The following ACVR2A variants were observed in gnomAD, a reference collection of about 807,000 sequenced individuals.
ACVR2A encodes activin A receptor type 2A.
Under a neutral mutation model 61.4 loss-of-function variants are expected in ACVR2A, and 7 were observed. The observed-to-expected ratio is 0.11, with a 90% CI of 0.06 to 0.21. The LOEUF (loss-of-function observed/expected upper bound fraction) is 0.21. Among genes scored for constraint, ACVR2A ranks in the 10% least tolerant of loss-of-function variants. The pLI is 1.00. For missense variants in ACVR2A, 322 were observed against 621.7 expected, an observed-to-expected ratio of 0.52 and a Z score of 5.13; for synonymous variants, 193 against 208.3, an observed-to-expected ratio of 0.93 and a Z score of 0.63.
At chr2:147,922,524 A>G (rs894726434) in intron 8 of ACVR2A, among the ~76,000 whole-genome samples, 1 of 152,198 alleles carries the variant, frequency 6.6e-6, no homozygotes, top group Non-Finnish European at 1.5e-5. Flanking sequence ...GAATTTATGA[A>G]TAAACAAATA....
chr2:147,900,034 T>G (rs2105194803), intron 4 of ACVR2A, 136 bp downstream of exon 4: 1 of 1,000,014 alleles, frequency 1.0e-6, no homozygotes, highest in East Asian at 2.6e-5. Context: ...TCATGAGAAC[T>G]CTAGCTAACT....
At chr2:147,862,098 C>G (rs1486381717) in intron 1 of ACVR2A, among the ~76,000 whole-genome samples, 1 of 152,144 alleles carries the variant, frequency 6.6e-6, no homozygotes, top group African/African-American at 2.4e-5. Flanking sequence ...AAAATGCTTT[C>G]TGGCTTTTAG....
chr2:147,845,000 GTTTTTTTTT>G (rs368783685), upstream of ACVR2A: 2 of 109,426 alleles, frequency 1.8e-5, no homozygotes, highest in Non-Finnish European at 1.5e-5. Context: ...CCCAGTGAGC[GTTTTTTTTT>G]TTTTTTTTTT....
intron 2 of ACVR2A, among the ~76,000 whole-genome samples, chr2:147,899,139 C>T (rs1364953349): frequency 2.0e-5 from 3 of 152,004 alleles, no homozygotes; most frequent in Non-Finnish European, 4.4e-5. Context: ...ACTTTATGTC[C>T]TCTTCAAGCT....
chr2:147,863,914 A>C (rs1685789882), intron 1 of ACVR2A, among the ~76,000 whole-genome samples: 2 of 152,200 alleles, frequency 1.3e-5, no homozygotes, highest in Non-Finnish European at 2.9e-5. Context: ...GTTCAAAGTA[A>C]ATGCATCTTC....
chr2:147,910,383 A>C (rs998030233), intron 4 of ACVR2A, among the ~76,000 whole-genome samples: 1 of 152,172 alleles, frequency 6.6e-6, no homozygotes, highest in African/African-American at 2.4e-5. Context: ...ACCATAGTCT[A>C]CTTATTCAGT....
At chr2:147,872,860 A>G (rs904815138) in intron 1 of ACVR2A, among the ~76,000 whole-genome samples, 1 of 151,858 alleles carries the variant, frequency 6.6e-6, no homozygotes, top group Admixed American at 6.6e-5. Context: ...GAGAGAAAGC[A>G]GTAAGAAAAG....
chr2:147,929,962 C>T lies in ACVR2A; in HGVS notation c.*2688C>T, dbSNP rs1300084547. On this transcript the variant is annotated 3_prime_UTR_variant, in exon 11 of 11. Transcript: ENST00000241416. The stretch of plus-strand genomic sequence containing the variant: ...ACTTGCCATAGGACTGATGGATTAA[C>T]CAGTGTTCGGCTTTATTTGAAGTCT... 1 of 152,442 alleles carries T rather than the reference C, an allele frequency of 6.6e-6. No homozygotes were observed. Among genetic ancestry groups the T allele is most frequent in the African/African-American group, 2.4e-5 (1 of 41,412 alleles). 9.4% of individuals were successfully genotyped at this position (152,442 alleles called of 1,614,324 possible). A position where few individuals can be genotyped will look rare whatever the true frequency, so the allele number is the denominator to read the frequency against.
chr2:147,927,252 C>T lies in ACVR2A; in HGVS notation c.1520C>T (p.Pro507Leu), dbSNP rs777395294. 3.7e-6 allele frequency: 6 copies of T among 1,611,148 alleles called. No homozygotes were observed. The highest frequency in any genetic ancestry group is 1.3e-5 in the African/African-American group (1 of 74,630). The change falls in exon 11 of 11, where the codon CCT becomes CTT. Residue 507 changes from proline (P) to leucine (L), a missense_variant. By Grantham distance (98) the Pro-to-Leu change is moderately conservative. This residue lies in a region of ACVR2A where 34 missense variants were observed against 37.6 expected (regional missense o/e 0.91). Coordinates refer to ENST00000241416, the MANE Select transcript of ACVR2A (RefSeq NM_001616.5). ...ACAATGGTGACAAATGTTGACTTTC[C>T]TCCCAAAGAATCTAGTCTATGATGG... Reference protein sequence around the residue: ...VVTMVTNVDFPPKESSL With the variant: ...VVTMVTNVDFLPKESSL
intron 4 of ACVR2A, among the ~76,000 whole-genome samples, chr2:147,914,151 A>G (rs1186995968): frequency 6.6e-6 from 1 of 151,976 alleles, no homozygotes; most frequent in East Asian, 1.9e-4. Flanking sequence ...GGGATCACAT[A>G]CCATTTCCAA....
chr2:147,859,252 T>C (rs1685664460), intron 1 of ACVR2A, among the ~76,000 whole-genome samples: 1 of 152,170 alleles, frequency 6.6e-6, no homozygotes, highest in South Asian at 2.1e-4. Context: ...ACTCTCACAG[T>C]TTCCTTCTTC....
At chr2:147,907,309 A>G (rs1015283106) in intron 4 of ACVR2A, among the ~76,000 whole-genome samples, 8 of 152,110 alleles carry the variant, frequency 5.3e-5, no homozygotes, top group Non-Finnish European at 5.9e-5. Flanking sequence ...ATACGTGTGC[A>G]TGTGTCTTTA....
intron 1 of ACVR2A, among the ~76,000 whole-genome samples, chr2:147,893,630 A>T (rs1686645417): frequency 6.6e-6 from 1 of 152,170 alleles, no homozygotes; most frequent in Non-Finnish European, 1.5e-5. Flanking sequence ...CTGATGATTG[A>T]TAATATTGGG....
chr2:147,906,400 A>G (rs1465908416), intron 4 of ACVR2A, among the ~76,000 whole-genome samples: 26 of 152,142 alleles, frequency 1.7e-4, no homozygotes, highest in Admixed American at 1.7e-3. Flanking sequence ...CCTACAGTTA[A>G]TATGTAGGTG....
chr2:147,890,516 A>G (rs1236798235), intron 1 of ACVR2A, among the ~76,000 whole-genome samples: 4 of 152,176 alleles, frequency 2.6e-5, no homozygotes, highest in Admixed American at 6.5e-5. Flanking sequence ...TGAATGTGAG[A>G]AAATATAGAG....
chr2:147,845,253 GGCGGCCGCT>G (rs773819725), intron 1 of ACVR2A, 46 bp downstream of exon 1: 4 of 1,587,362 alleles, frequency 2.5e-6, no homozygotes, highest in Non-Finnish European at 3.4e-6. Context: ...CTGCGGCCGC[GGCGGCCGCT>G]GCTGGGGGCC....
chr2:147,898,405 AAT>A (rs1032515992), intron 2 of ACVR2A: 3 of 152,256 alleles, frequency 2.0e-5, no homozygotes, highest in African/African-American at 7.2e-5. Flanking sequence ...CATGATTTTA[AAT>A]ATGTTTTTAA....
chr2:147,919,721 T>C (rs916370094), intron 7 of ACVR2A, among the ~76,000 whole-genome samples: 1 of 152,164 alleles, frequency 6.6e-6, no homozygotes, highest in African/African-American at 2.4e-5. Context: ...AAAAAGTTTC[T>C]GTTATTCATT....
Position 147,915,344 on chromosome 2 carries a change from T to C in ACVR2A, c.672+10T>C. On this transcript the variant is annotated intron_variant, in intron 5 of 10. Transcript: ENST00000241416. ...AATATTTCCAATACAGGTATGTTTATTGCAGTTTTGTCATCTTACATACAT... is the reference window on the plus strand; with the variant it reads ...AATATTTCCAATACAGGTATGTTTACTGCAGTTTTGTCATCTTACATACAT... 1.2e-6 allele frequency: 2 copies of C among 1,610,826 alleles called. No homozygotes were observed. The highest frequency in any genetic ancestry group is 1.7e-6 in the Non-Finnish European group (2 of 1,177,868).
Sources: gnomAD v4.1 joint callset for allele counts (sites outside exome capture counted in the v4.1 genomes callset) on GRCh38, gnomAD v4.1.1 for gene constraint, gnomAD v4.1.1 regional missense constraint, MANE v1.5 for transcripts, NCBI Gene and HGNC (gene_info 2026-07-23, HGNC 2026-07-21) for gene names.